Variants in DAPK1 observed in about 807,000 individuals in gnomAD.
DAPK1 encodes death-associated protein kinase 1.
DAPK1 carries 56 observed loss-of-function variants against 144.9 expected under a neutral mutation model. The ratio of observed to expected loss-of-function variants is 0.39; its 90% CI spans 0.31 to 0.48. The LOEUF is 0.48. Ranked by LOEUF, DAPK1 falls within the 20% of genes least tolerant of loss-of-function variation. The pLI, the probability that DAPK1 is intolerant of heterozygous loss-of-function variation, is 0.95. For synonymous variants in DAPK1, 690 were observed against 749.0 expected (o/e 0.92, Z 1.29); for missense variants, 1,454 against 1,875.4 (o/e 0.78, Z 4.15).
intron 3 of DAPK1, among the ~76,000 whole-genome samples, chr9:87,620,858 C>G (rs911161251): frequency 6.6e-6 from 1 of 152,164 alleles, no homozygotes; most frequent in African/African-American, 2.4e-5. Context: ...TTATAATTAC[C>G]CAGGCTGAAG....
intron 2 of DAPK1, among the ~76,000 whole-genome samples, chr9:87,531,968 C>T (rs574256457): frequency 1.8e-4 from 28 of 152,280 alleles, no homozygotes; most frequent in South Asian, 6.2e-4. Context: ...TTGGTTTTGC[C>T]TTTTAAGAGG....
At chr9:87,562,429 C>T (rs71497330) in intron 2 of DAPK1, among the ~76,000 whole-genome samples, 5,866 of 152,164 alleles carry the variant, frequency 0.039, 151 homozygotes, top group Middle Eastern at 0.095. Flanking sequence ...AGGCTTTCGT[C>T]GGGAACCAAC....
intron 2 of DAPK1, among the ~76,000 whole-genome samples, chr9:87,584,833 C>T (rs1159362493): frequency 6.6e-6 from 1 of 152,114 alleles, no homozygotes; most frequent in Admixed American, 6.5e-5. Flanking sequence ...CCCGCCACCA[C>T]GCCTGGCTAA....
At chr9:87,498,714 C>G (rs911047330) in intron 1 of DAPK1, 5 of 424,726 alleles carry the variant, frequency 1.2e-5, no homozygotes, top group African/African-American at 1.0e-4. Context: ...GGTTCTGATC[C>G]CAACAGACCG....
chr9:87,706,809 T>C lies in DAPK1; in HGVS notation c.3738T>C (p.His1246=). The change falls in exon 26 of 26, where the codon CAT becomes CAC. Residue 1246 remains histidine (H), a synonymous_variant. Transcript: ENST00000408954. The surrounding 1 kb of genome is among the most constrained non-coding windows in gnomAD (Gnocchi z 9.0). ...YLSPQQLREH[H]EPVMIYQPRD... ...GCCCCCAGCAGCTGCGGGAGCACCA[T>C]GAGCCCGTCATGATCTACCAGCCAC... is the stretch of plus-strand genomic sequence containing the variant. 1.2e-6 allele frequency: 2 copies of C among 1,613,654 alleles called. No homozygotes were observed. Among genetic ancestry groups the C allele is most frequent in the Non-Finnish European group, 1.7e-6 (2 of 1,179,942 alleles).
chr9:87,592,826 A>G (rs1482797073), intron 2 of DAPK1, among the ~76,000 whole-genome samples: 1 of 151,946 alleles, frequency 6.6e-6, no homozygotes, highest in Non-Finnish European at 1.5e-5. Context: ...CTGTCACTTC[A>G]GGTAACTCCA....
At chr9:87,589,929 G>T (rs563032152) in intron 2 of DAPK1, among the ~76,000 whole-genome samples, 2 of 152,146 alleles carry the variant, frequency 1.3e-5, no homozygotes, top group African/African-American at 4.8e-5. Context: ...GAAAAATGAG[G>T]TCACAGGCCT....
chr9:87,680,815 G>A (rs922012419), intron 19 of DAPK1, among the ~76,000 whole-genome samples: 15 of 152,172 alleles, frequency 9.9e-5, no homozygotes, highest in Admixed American at 2.0e-4. Context: ...GACTGCTCAC[G>A]GGTACAGAGC....
chr9:87,617,396 C>G (rs71510225), intron 3 of DAPK1, among the ~76,000 whole-genome samples: 22,445 of 152,104 alleles, frequency 0.15, 2,246 homozygotes, highest in East Asian at 0.42. Flanking sequence ...CCTACCTCTT[C>G]TACCCCTTGG....
chr9:87,650,107 G>A lies in DAPK1; in HGVS notation c.1615G>A (p.Ala539Thr). ...CLAEHGADLN[A>T]CDKDGHIALH... ...GGCCGAACATGGAGCCGACCTTAAT[G>A]CTTGCGACAAGGTGCCTTATGGGGG... Residue 539 changes from alanine (A) to threonine (T), a missense_variant, in exon 16 of 26, where the codon GCT becomes ACT. Ala to Thr is a moderately conservative substitution (Grantham distance 58). This residue lies in a region of DAPK1 where 1,025 missense variants were observed against 1,237.9 expected (regional missense o/e 0.83). Transcript: ENST00000408954. 1 of 1,614,086 alleles carries A rather than the reference G, an allele frequency of 6.2e-7. No homozygotes were observed. Among genetic ancestry groups the A allele is most frequent in the African/African-American group, 1.3e-5 (1 of 75,028 alleles).
chr9:87,670,494 C>G (rs908643516), intron 19 of DAPK1, among the ~76,000 whole-genome samples: 1 of 152,180 alleles, frequency 6.6e-6, no homozygotes, highest in African/African-American at 2.4e-5. Context: ...GGCTGAAAGG[C>G]TTCTTCGACA....
Position 87,498,605 on chromosome 9 carries a change from G to T in DAPK1, c.-108-365G>T, listed in dbSNP as rs370354722. ...CCAGTGAGGCGCGTACCGTCTGGGC[G>T]AGGGCTTCATTCTTCCGCGGCGTCC... On this transcript the variant is annotated intron_variant, in intron 1 of 25. Transcript: ENST00000408954. 4.5e-4 allele frequency: 138 copies of T among 304,146 alleles called. 1 individual carries two copies. In the South Asian group the frequency reaches 0.018, roughly 40 times the overall value. The allele number at this position is 304,146 out of a possible 1,614,324, so 18.8% of individuals were successfully genotyped here. A position where few individuals can be genotyped will look rare whatever the true frequency, so the allele number is the denominator to read the frequency against.
At chr9:87,644,882 C>A (rs1830216527) in intron 11 of DAPK1, among the ~76,000 whole-genome samples, 1 of 152,174 alleles carries the variant, frequency 6.6e-6, no homozygotes, top group Admixed American at 6.5e-5. Flanking sequence ...CTTCTGTTTT[C>A]CCCATTTCTC....
At position 87,650,043 on chromosome 9, in the gene DAPK1, A is replaced by C; in HGVS notation, c.1551A>C (p.Thr517=). The change falls in exon 16 of 26, where the codon ACA becomes ACC. Residue 517 remains threonine, a synonymous_variant. Coordinates refer to ENST00000408954, the MANE Select transcript of DAPK1 (RefSeq NM_004938.4). The stretch of plus-strand genomic sequence containing the variant: ...GAGAAGGAGAGACGCCCCTCCTGAC[A>C]GCCTCTGCCAGGGGCTACCACGACA... ...KNREGETPLL[T]ASARGYHDIV... 6.2e-7 allele frequency: 1 copy of C among 1,614,118 alleles called. No homozygotes were observed. Among genetic ancestry groups the C allele is most frequent in the African/African-American group, 1.3e-5 (1 of 75,048 alleles).
intron 2 of DAPK1, among the ~76,000 whole-genome samples, chr9:87,564,015 C>A (rs548578899): frequency 6.6e-6 from 1 of 152,172 alleles, no homozygotes. Flanking sequence ...TTAGGATGCC[C>A]GTCTCCCCTT....
At chr9:87,547,419 C>T (rs1230501483) in intron 2 of DAPK1, among the ~76,000 whole-genome samples, 2 of 152,126 alleles carry the variant, frequency 1.3e-5, no homozygotes, top group African/African-American at 2.4e-5. Context: ...GTACAGTAGC[C>T]CCTACCTACA....
At position 87,582,802 on chromosome 9, in the gene DAPK1, C is replaced by T. The variant is rs151108993; in HGVS notation, c.63-22152C>T. Among the ~76,000 whole-genome samples the T allele has an allele frequency of 3.9e-3, 591 of 152,148 alleles. 10 individuals carry two copies. The highest frequency in any genetic ancestry group is 0.036 in the Admixed American group (555 of 15,280). ...ACTCCTGACCTCGTGATCCCCCCAC[C>T]TCGGCCTCCCAAAGTGCTGGGATTA... On this transcript the variant is annotated intron_variant, in intron 2 of 25. Transcript: ENST00000408954.
At chr9:87,623,969 G>A (rs1446932483) in intron 3 of DAPK1, among the ~76,000 whole-genome samples, 2 of 152,250 alleles carry the variant, frequency 1.3e-5, no homozygotes, top group East Asian at 3.9e-4. Context: ...TATATGCCGG[G>A]TGTATTATAT....
At chr9:87,641,901 A>G (rs1220638108) in intron 9 of DAPK1, 68 bp from the exon 10 acceptor site, 7 of 1,323,498 alleles carry the variant, frequency 5.3e-6, no homozygotes, top group Non-Finnish European at 7.5e-6. Flanking sequence ...GATGTTTCAA[A>G]AAATTGTCAT....
Sources: allele counts gnomAD v4.1 joint callset (sites outside exome capture counted in the v4.1 genomes callset), GRCh38; gene constraint gnomAD v4.1.1; regional missense constraint gnomAD v4.1.1; non-coding constraint Gnocchi (gnomAD v3.1); transcripts MANE v1.5; gene names NCBI Gene and HGNC (gene_info 2026-07-23, HGNC 2026-07-21).